The following SPCS3 variants were observed in gnomAD, a reference collection of about 807,000 sequenced individuals.
The protein encoded by SPCS3 is SPase 22 kDa subunit.
SPCS3 carries 9 observed loss-of-function variants against 17.2 expected under a neutral mutation model. That is an observed-to-expected ratio of 0.52 (90% CI 0.31 to 0.91). The LOEUF is 0.91. Ranked by LOEUF, SPCS3 falls within the 40% of genes least tolerant of loss-of-function variation. The pLI is 0.04. For synonymous variants in SPCS3, 87 were observed against 89.6 expected, an observed-to-expected ratio of 0.97 and a Z score of 0.16; for missense variants, 139 against 217.5, an observed-to-expected ratio of 0.64 and a Z score of 2.27.
intron 3 of SPCS3, among the ~76,000 whole-genome samples, chr4:176,325,056 T>TC (rs1240719296): frequency 6.6e-6 from 1 of 150,768 alleles, no homozygotes. Context: ...TTTTTACTTT[T>TC]TTTTTTTTTT....
intron 3 of SPCS3, among the ~76,000 whole-genome samples, chr4:176,324,634 G>A (rs73871979): frequency 0.011 from 1,675 of 152,322 alleles, 30 homozygotes; most frequent in African/African-American, 0.036. Context: ...AGTTCACCAT[G>A]CTACCTAGTA....
At chr4:176,322,344 A>T in intron 2 of SPCS3, 101 bp downstream of exon 2, 1 of 769,088 alleles carries the variant, frequency 1.3e-6, no homozygotes, top group East Asian at 2.8e-5. Flanking sequence ...TCATTGAATC[A>T]GCCAAACCTT....
intron 1 of SPCS3, chr4:176,320,531 C>T (rs370384759): frequency 5.8e-6 from 1 of 171,574 alleles, no homozygotes; most frequent in East Asian, 1.6e-4. Context: ...CACGCCTGGC[C>T]AATGAGGGAG....
In SPCS3 at chr4:176,320,232, G is replaced by A. The variant is rs889374222; in HGVS notation, c.143+13G>A. The A allele has an allele frequency of 1.3e-6, 2 of 1,545,774 alleles. No homozygotes were observed. The highest frequency in any genetic ancestry group is 1.4e-5 in the African/African-American group (1 of 69,938). Reference sequence around the variant, plus strand: ...CGCGGATCATGCTGTGAGTGAGGCCGGGCCGGCGGTGCAGGACGCCGGGAC... The same window carrying A: ...CGCGGATCATGCTGTGAGTGAGGCCAGGCCGGCGGTGCAGGACGCCGGGAC... On this transcript the variant is annotated intron_variant, in intron 1 of 4. Transcript: ENST00000503362.
In SPCS3 at chr4:176,328,278, G is replaced by GACAC; in HGVS notation, c.492_495dup (p.Val166ThrfsTer11). On this transcript the variant is annotated frameshift_variant, in exon 5 of 5. Transcript: ENST00000503362. LOFTEE classifies it high-confidence loss of function. ...ATTCTACCTCTTGTGACAGGATCAG[G>GACAC]ACACGTATCTGTCCCATTTCCAGAT... 1 of 1,612,300 alleles carries GACAC rather than the reference G, an allele frequency of 6.2e-7. No homozygotes were observed. The highest frequency in any genetic ancestry group is 8.5e-7 in the Non-Finnish European group (1 of 1,179,238).
chr4:176,325,053 T>TTC (rs1731587496), intron 3 of SPCS3, among the ~76,000 whole-genome samples: 2 of 94,196 alleles, frequency 2.1e-5, no homozygotes, highest in African/African-American at 6.9e-5. Flanking sequence ...TTTTTTTTAC[T>TTC]TTTTTTTTTT....
intron 3 of SPCS3, among the ~76,000 whole-genome samples, chr4:176,326,631 C>A (rs1284031356): frequency 6.6e-6 from 1 of 152,046 alleles, no homozygotes; most frequent in African/African-American, 2.4e-5. Flanking sequence ...TTTCTTAAAG[C>A]TTTTGTAAAG....
intron 2 of SPCS3, 38 bp downstream of exon 2, chr4:176,322,281 GT>G: frequency 7.5e-7 from 1 of 1,335,542 alleles, no homozygotes; most frequent in Non-Finnish European, 1.1e-6. Context: ...GTTTTCTGTA[GT>G]TTTATAATGA....
intron 4 of SPCS3, among the ~76,000 whole-genome samples, chr4:176,327,568 A>G (rs999244487): frequency 6.6e-6 from 1 of 152,220 alleles, no homozygotes; most frequent in Admixed American, 6.5e-5. Context: ...GGTCAAATCA[A>G]AGGGCTCCTT....
At chr4:176,321,201 T>C (rs1461208250) in intron 1 of SPCS3, 1 of 151,814 alleles carries the variant, frequency 6.6e-6, no homozygotes, top group African/African-American at 2.4e-5. Flanking sequence ...CTGATGTTTG[T>C]TAGATATTGT....
intron 1 of SPCS3, chr4:176,321,944 T>C (rs1035416640): frequency 2.0e-5 from 7 of 349,602 alleles, no homozygotes; most frequent in African/African-American, 1.5e-4. Flanking sequence ...CTGAGTTTTG[T>C]TAGGGATTCT....
At position 176,332,209 on chromosome 4, in the gene SPCS3, C is replaced by T. The variant is rs2127003980; in HGVS notation, c.*3879C>T. 1 of 152,342 alleles carries T rather than the reference C, an allele frequency of 6.6e-6. No homozygotes were observed. The highest frequency in any genetic ancestry group is 2.4e-5 in the African/African-American group (1 of 41,580). The allele number at this position is 152,342 out of a possible 1,614,324, so 9.4% of individuals were successfully genotyped here. On this transcript the variant is annotated 3_prime_UTR_variant, in exon 5 of 5. Transcript: ENST00000503362. ...CCAGCGCCTAGTGTAGTGCCTTGCA[C>T]ATAATAGGCGCCCAATAAATATTGA...
rs545387077 is a variant in SPCS3, at chr4:176,322,883, G to A, written c.217+640G>A. Among the ~76,000 whole-genome samples the A allele has an allele frequency of 9.9e-5, 15 of 151,904 alleles. No individual in the cohort carries two copies. In the South Asian group the frequency reaches 3.1e-3, roughly 32 times the overall value. ...TTTTGGCCAGGCTAGTCTTTTTTAG[G>A]GTCTTTCTTAGGTTAATATCTTGGC... On this transcript the variant is annotated intron_variant, in intron 2 of 4. Coordinates refer to ENST00000503362, the MANE Select transcript of SPCS3 (RefSeq NM_021928.4).
At chr4:176,320,877 G>A (rs1301560399) in intron 1 of SPCS3, 1 of 152,188 alleles carries the variant, frequency 6.6e-6, no homozygotes, top group Admixed American at 6.5e-5. Context: ...CGAGATTTTT[G>A]TTTTGTTGGG....
At chr4:176,320,324 G>A in intron 1 of SPCS3, 105 bp downstream of exon 1, 1 of 1,112,478 alleles carries the variant, frequency 9.0e-7, no homozygotes, top group Non-Finnish European at 1.1e-6. Context: ...CGCGGGCAGG[G>A]CGTCCGGATC....
chr4:176,320,899 C>A (rs964946172), intron 1 of SPCS3: 1 of 152,182 alleles, frequency 6.6e-6, no homozygotes, highest in Non-Finnish European at 1.5e-5. Flanking sequence ...TTCTTTATTT[C>A]TTTTTCTTTT....
chr4:176,327,046 G>A, intron 3 of SPCS3, 116 bp from the exon 4 acceptor site: 2 of 607,960 alleles, frequency 3.3e-6, no homozygotes, highest in Non-Finnish European at 5.6e-6. Context: ...ATTTCAGCAA[G>A]CTCCTCAAGT....
At position 176,329,428 on chromosome 4, in the gene SPCS3, G is replaced by C. The variant is rs1360762254; in HGVS notation, c.*1098G>C. 6.6e-6 allele frequency: 1 copy of C among 152,072 alleles called. No individual in the cohort carries two copies. The highest frequency in any genetic ancestry group is 2.4e-5 in the African/African-American group (1 of 41,418). The allele number at this position is 152,072 out of a possible 1,614,324, so 9.4% of individuals were successfully genotyped here. A position where few individuals can be genotyped will look rare whatever the true frequency, so the allele number is the denominator to read the frequency against. ...AGCTCATCCTTTCTCTTATACCTCA[G>C]ATTGCAGACTAATCAAATTTTACTT... On this transcript the variant is annotated 3_prime_UTR_variant, in exon 5 of 5. Transcript: ENST00000503362.
intron 2 of SPCS3, among the ~76,000 whole-genome samples, chr4:176,322,941 C>T (rs565192381): frequency 6.6e-6 from 1 of 152,078 alleles, no homozygotes; most frequent in Non-Finnish European, 1.5e-5. Flanking sequence ...CTGATTTCAT[C>T]TGCCTTTTTA....
Sources: allele counts gnomAD v4.1 joint callset (sites outside exome capture counted in the v4.1 genomes callset), GRCh38; gene constraint gnomAD v4.1.1; transcripts MANE v1.5; gene names NCBI Gene and HGNC (gene_info 2026-07-23, HGNC 2026-07-21).